The following OTUD7B variants were observed in gnomAD, a reference collection of about 807,000 sequenced individuals.
OTUD7B encodes OTU domain-containing protein 7B.
A neutral mutation model predicts 82.2 loss-of-function variants in OTUD7B; 34 were observed. The ratio of observed to expected loss-of-function variants is 0.41; its 90% CI spans 0.31 to 0.55. OTUD7B has a LOEUF of 0.55. Ranked by LOEUF, OTUD7B falls within the 20% of genes least tolerant of loss-of-function variation. OTUD7B has a pLI of 0.20. For missense variants in OTUD7B, 944 were observed against 1,062.1 expected (o/e 0.89, Z 1.55); for synonymous variants, 398 against 402.7 (o/e 0.99, Z 0.14).
the OTUD7B span, among the ~76,000 whole-genome samples, chr1:150,018,227 A>G: frequency 6.6e-6 from 1 of 152,248 alleles, no homozygotes; most frequent in Non-Finnish European, 1.5e-5. Context: ...AAAGTACTCT[A>G]GAAGCACCCA....
At chr1:150,038,514 G>A in the OTUD7B span, among the ~76,000 whole-genome samples, 1 of 151,804 alleles carries the variant, frequency 6.6e-6, no homozygotes, top group Non-Finnish European at 1.5e-5. Context: ...AGCCTCCTGA[G>A]TAGCTGGAAC....
intron 1 of OTUD7B, among the ~76,000 whole-genome samples, chr1:149,996,608 C>A (rs587598424): frequency 6.6e-6 from 1 of 152,328 alleles, no homozygotes; most frequent in Admixed American, 6.5e-5. Flanking sequence ...TTCACTATAG[C>A]ATCCTCAGGA....
intron 1 of OTUD7B, among the ~76,000 whole-genome samples, chr1:150,001,564 T>C (rs1652284420): frequency 6.6e-6 from 1 of 152,124 alleles, no homozygotes; most frequent in Admixed American, 6.6e-5. Context: ...AACCAAGTTA[T>C]CTCCCCTAAA....
In OTUD7B at chr1:149,942,253, C is replaced by T. The variant is rs1448173737; in HGVS notation, c.*1604G>A. 1.3e-5 allele frequency: 2 copies of T among 152,642 alleles called. No individual in the cohort carries two copies. Among genetic ancestry groups the T allele is most frequent in the Admixed American group, 1.3e-4 (2 of 15,278 alleles). 9.5% of individuals were successfully genotyped at this position (152,642 alleles called of 1,614,324 possible). A position where few individuals can be genotyped will look rare whatever the true frequency, so the allele number is the denominator to read the frequency against. ...TTAATACTCTGGACACATAAGTACACTTATTCCCCTTCTTCACATGCACCC... is the reference window on the plus strand; with the variant it reads ...TTAATACTCTGGACACATAAGTACATTTATTCCCCTTCTTCACATGCACCC... On this transcript the variant is annotated 3_prime_UTR_variant, in exon 12 of 12. Coordinates refer to ENST00000581312, the MANE Select transcript of OTUD7B (RefSeq NM_020205.4).
chr1:149,949,137 T>G (rs880000223), intron 9 of OTUD7B, 54 bp from the exon 10 acceptor site: 50 of 1,082,182 alleles, frequency 4.6e-5, no homozygotes, highest in Non-Finnish European at 6.5e-5. Context: ...GAAAGGTAAC[T>G]GAACACAGAC....
chr1:150,060,870 C>A, the OTUD7B span, among the ~76,000 whole-genome samples: 1 of 152,100 alleles, frequency 6.6e-6, no homozygotes, highest in African/African-American at 2.4e-5. Flanking sequence ...GAAATAACCA[C>A]TAATTGAATT....
Position 149,944,072 on chromosome 1 carries a change from C to T in OTUD7B, c.2317G>A (p.Asp773Asn), listed in dbSNP as rs1553771156. Residue 773 changes from aspartate (D) to asparagine (N), a missense_variant, in exon 12 of 12, where the codon GAT (aspartate) becomes AAT (asparagine). Transcript: ENST00000581312. ...TCTCTGTAGCCATTGCTATAGGAAT[C>T]AGCCACTCGGTAGGGGGGTGGTAAC... The part of the protein sequence containing the change: ...ALLPPPYRVA[D>N]SYSNGYREPP... The T allele has an allele frequency of 6.2e-7, 1 of 1,614,180 alleles. No individual in the cohort carries two copies. Among genetic ancestry groups the T allele is most frequent in the Admixed American group, 1.7e-5 (1 of 60,024 alleles).
the OTUD7B span, among the ~76,000 whole-genome samples, chr1:150,041,131 T>G: frequency 7.2e-3 from 1,091 of 152,292 alleles, 17 homozygotes; most frequent in African/African-American, 0.025. Flanking sequence ...GTGCTCTTTT[T>G]CTTCTTCAAT....
intron 1 of OTUD7B, among the ~76,000 whole-genome samples, chr1:149,978,676 T>C (rs1650498171): frequency 6.6e-6 from 1 of 152,126 alleles, no homozygotes; most frequent in Admixed American, 6.5e-5. Flanking sequence ...TCAAATAAGT[T>C]CAACTGAAAA....
chr1:149,966,736 G>A (rs1553776616), intron 4 of OTUD7B, among the ~76,000 whole-genome samples: 1 of 152,030 alleles, frequency 6.6e-6, no homozygotes, highest in Non-Finnish European at 1.5e-5. Flanking sequence ...ACAAATAGAT[G>A]TATATGGTTA....
upstream of OTUD7B, among the ~76,000 whole-genome samples, chr1:150,011,548 AG>A (rs1323754532): frequency 3.9e-5 from 6 of 152,244 alleles, no homozygotes; most frequent in East Asian, 7.7e-4. Flanking sequence ...TATGGCTATG[AG>A]AACATAATAA....
chr1:149,947,317 C>G lies in OTUD7B; in HGVS notation c.1257G>C (p.Glu419Asp). 1 of 1,605,272 alleles carries G rather than the reference C, an allele frequency of 6.2e-7. No homozygotes were observed. The highest frequency in any genetic ancestry group is 8.5e-7 in the Non-Finnish European group (1 of 1,172,128). Residue 419 changes from glutamate to aspartate, a missense_variant, in exon 11 of 12, where the codon GAG becomes GAC. Glu to Asp is a conservative substitution (Grantham distance 45). Coordinates refer to ENST00000581312, the MANE Select transcript of OTUD7B (RefSeq NM_020205.4). ...AGCTATGCAGCAGATGCAATTTGACCTCTAGGGACAGAATTACACTATGAA... is the reference window on the plus strand; with the variant it reads ...AGCTATGCAGCAGATGCAATTTGACGTCTAGGGACAGAATTACACTATGAA... ...VRLASVILSLEVKLHLLHSYM... is the reference protein window; with the variant it reads ...VRLASVILSLDVKLHLLHSYM...
chr1:149,956,459 C>T (rs1648681035), intron 7 of OTUD7B, among the ~76,000 whole-genome samples: 1 of 152,154 alleles, frequency 6.6e-6, no homozygotes, highest in Non-Finnish European at 1.5e-5. Flanking sequence ...TCTCTGGCTG[C>T]CCTTAGCATT....
the OTUD7B span, among the ~76,000 whole-genome samples, chr1:150,046,480 C>T: frequency 1.4e-5 from 2 of 143,014 alleles, no homozygotes; most frequent in East Asian, 4.1e-4. Flanking sequence ...CAGAGTCTTG[C>T]TCTGTCACCC....
chr1:149,966,924 G>A lies in OTUD7B; in HGVS notation c.502+370C>T, dbSNP rs587696133. On this transcript the variant is annotated intron_variant, in intron 4 of 11. Coordinates refer to ENST00000581312, the MANE Select transcript of OTUD7B (RefSeq NM_020205.4). ...ATTTAAGATAAACACAATTACAAAC[G>A]TAAATACATTTGGGGGGATAGGTTC... 6.6e-5 allele frequency among the ~76,000 whole-genome samples: 10 copies of A among 152,168 alleles called. No homozygotes were observed. The East Asian group carries it at 1.9e-3, about 29-fold the overall frequency.
chr1:150,037,590 TTTTC>T, the OTUD7B span, among the ~76,000 whole-genome samples: 1 of 152,134 alleles, frequency 6.6e-6, no homozygotes, highest in Non-Finnish European at 1.5e-5. Flanking sequence ...TTGTATCTAC[TTTTC>T]TTTTTTTATT....
chr1:150,007,117 C>T (rs1553786310), intron 1 of OTUD7B, among the ~76,000 whole-genome samples: 1 of 152,192 alleles, frequency 6.6e-6, no homozygotes, highest in East Asian at 1.9e-4. Context: ...CCCCCACTCA[C>T]AACTTAGTCA....
intron 7 of OTUD7B, among the ~76,000 whole-genome samples, chr1:149,954,750 T>G (rs1174093465): frequency 6.6e-6 from 1 of 152,208 alleles, no homozygotes; most frequent in Admixed American, 6.5e-5. Context: ...GGGGTTCAAA[T>G]TCTTCCTGGT....
rs1223058036 is a variant in OTUD7B at position 149,987,950 on chromosome 1, T to G, written c.-66-10374A>C. On this transcript the variant is annotated intron_variant, in intron 1 of 11. Coordinates refer to ENST00000581312, the MANE Select transcript of OTUD7B (RefSeq NM_020205.4). ...GAACAGCAATTTCATACATATTTAC[T>G]GGAATCCCAATGTCTTAATCTACCA... Among the ~76,000 whole-genome samples, 2 of 152,350 alleles carry G rather than the reference T, an allele frequency of 1.3e-5. 1 individual carries two copies. Among genetic ancestry groups the G allele is most frequent in the South Asian group, 4.1e-4 (2 of 4,826 alleles).
Sources: gnomAD v4.1 joint callset for allele counts (sites outside exome capture counted in the v4.1 genomes callset) on GRCh38, gnomAD v4.1.1 for gene constraint, MANE v1.5 for transcripts, NCBI Gene and HGNC (gene_info 2026-07-23, HGNC 2026-07-21) for gene names.